Variants in ZNF136 observed in about 807,000 individuals in gnomAD.
ZNF136 encodes the protein zinc finger protein 136 (clone pHZ-20).
Under a neutral mutation model 11.4 loss-of-function variants are expected in ZNF136, and 8 were observed. That is an observed-to-expected ratio of 0.70 (90% CI 0.41 to 1.27). The LOEUF (loss-of-function observed/expected upper bound fraction) is 1.27. Among genes scored for constraint, ZNF136 ranks in the 50% most tolerant of loss-of-function variants. ZNF136 has a pLI of 0.01. For synonymous variants in ZNF136, 190 were observed against 207.1 expected (o/e 0.92, Z 0.71); for missense variants, 590 against 656.5 (o/e 0.90, Z 1.11).
At chr19:12,163,597 G>A (rs1187484971) in intron 1 of ZNF136, among the ~76,000 whole-genome samples, 1 of 152,160 alleles carries the variant, frequency 6.6e-6, no homozygotes, top group Non-Finnish European at 1.5e-5. Context: ...CTAAGTGTAT[G>A]GGATGCAGGG....
At chr19:12,170,084 A>G (rs10405710) in intron 1 of ZNF136, among the ~76,000 whole-genome samples, 1,269 of 126,884 alleles carry the variant, frequency 0.01, 9 homozygotes, top group African/African-American at 0.029. Context: ...GTGAGCCACC[A>G]CGCCCGGCCA....
chr19:12,170,993 G>A (rs1487843204), intron 1 of ZNF136, among the ~76,000 whole-genome samples: 1 of 151,998 alleles, frequency 6.6e-6, no homozygotes, highest in African/African-American at 2.4e-5. Flanking sequence ...GCACCACCAC[G>A]CCCGGCTAAT....
rs1243362810 is a variant in ZNF136, at chr19:12,188,921, A to G, written c.*920A>G. On this transcript the variant is annotated 3_prime_UTR_variant, in exon 4 of 4. Coordinates refer to ENST00000343979, the MANE Select transcript of ZNF136 (RefSeq NM_003437.5). ...AATACATAACCTGATGGAAATGTAG[A>G]AGCTATATGTATATTTTGTTAATTA... The G allele has an allele frequency of 1.3e-5, 2 of 152,220 alleles. No individual in the cohort carries two copies. The highest frequency in any genetic ancestry group is 4.8e-5 in the African/African-American group (2 of 41,442). 9.4% of individuals were successfully genotyped at this position (152,220 alleles called of 1,614,324 possible).
Position 12,187,849 on chromosome 19 carries a change from T to C in ZNF136, c.1471T>C (p.Phe491Leu), listed in dbSNP as rs896714626. 6.2e-7 allele frequency: 1 copy of C among 1,604,446 alleles called. No homozygotes were observed. Among genetic ancestry groups the C allele is most frequent in the African/African-American group, 1.3e-5 (1 of 74,342 alleles). Residue 491 changes from phenylalanine to leucine, a missense_variant, in exon 4 of 4, where the codon TTT (phenylalanine) becomes CTT (leucine). Physicochemically the swap from Phe to Leu is conservative, Grantham distance 22 (BLOSUM62 0). Coordinates refer to ENST00000343979, the MANE Select transcript of ZNF136 (RefSeq NM_003437.5). ...CGKAFRSSSSFRLHERTHTGQ... is the reference protein window; with the variant it reads ...CGKAFRSSSSLRLHERTHTGQ... ...TAAAGCCTTTAGATCTTCTAGTTCC[T>C]TTCGACTACATGAAAGGACTCACAC...
rs991987949 is a variant in ZNF136 at position 12,188,773 on chromosome 19, C to T, written c.*772C>T. Reference sequence around the variant, plus strand: ...AGGAGTTTGAGACCAGTGTGCAAAACATAGCAAGACCTCATCTCAGAAAAA... The same window carrying T: ...AGGAGTTTGAGACCAGTGTGCAAAATATAGCAAGACCTCATCTCAGAAAAA... On this transcript the variant is annotated 3_prime_UTR_variant, in exon 4 of 4. Transcript: ENST00000343979. The T allele has an allele frequency of 2.7e-5, 4 of 149,652 alleles. No homozygotes were observed. Among genetic ancestry groups the T allele is most frequent in the Non-Finnish European group, 4.4e-5 (3 of 67,662 alleles). 9.3% of individuals were successfully genotyped at this position (149,652 alleles called of 1,614,324 possible). A position where few individuals can be genotyped will look rare whatever the true frequency, so the allele number is the denominator to read the frequency against.
intron 1 of ZNF136, among the ~76,000 whole-genome samples, chr19:12,168,102 C>T (rs112921549): frequency 7.8e-5 from 8 of 102,588 alleles, no homozygotes; most frequent in African/African-American, 3.0e-4. Context: ...GACGGAGCTT[C>T]GCTCTCATTG....
At chr19:12,175,122 T>G (rs1213395622) in intron 1 of ZNF136, among the ~76,000 whole-genome samples, 2 of 152,014 alleles carry the variant, frequency 1.3e-5, no homozygotes, top group Admixed American at 1.3e-4. Context: ...TTCTATGGTC[T>G]GCCTTGCAGA....
chr19:12,185,237 G>A (rs1200044897), intron 1 of ZNF136: 1 of 152,228 alleles, frequency 6.6e-6, no homozygotes, highest in Non-Finnish European at 1.5e-5. Context: ...TGGTGGGAGT[G>A]TTTTATGCTA....
chr19:12,180,141 C>T (rs1202540324), intron 1 of ZNF136, among the ~76,000 whole-genome samples: 1 of 152,218 alleles, frequency 6.6e-6, no homozygotes, highest in Non-Finnish European at 1.5e-5. Flanking sequence ...GCTGGGATTA[C>T]AGGCGTGAGC....
At chr19:12,171,979 T>G (rs903491579) in intron 1 of ZNF136, among the ~76,000 whole-genome samples, 1 of 121,270 alleles carries the variant, frequency 8.2e-6, no homozygotes, top group Admixed American at 8.1e-5. Flanking sequence ...TCTCTCTCTC[T>G]TTTTTTTTTT....
Position 12,186,925 on chromosome 19 carries a change from A to G in ZNF136, c.547A>G (p.Ile183Val), listed in dbSNP as rs781483788. ...CGKTFFSLKRIRRHIITHSGY... is the reference protein window; with the variant it reads ...CGKTFFSLKRVRRHIITHSGY... ...AAAAACCTTCTTTTCTCTCAAAAGA[A>G]TTAGAAGACACATCATCACACACAG... is the stretch of plus-strand genomic sequence containing the variant. Residue 183 changes from isoleucine (I) to valine (V), a missense_variant, in exon 4 of 4, where the codon ATT (isoleucine) becomes GTT (valine). Physicochemically the swap from Ile to Val is conservative, Grantham distance 29. Transcript: ENST00000343979. The G allele has an allele frequency of 1.2e-6, 2 of 1,613,814 alleles. No homozygotes were observed. The highest frequency in any genetic ancestry group is 4.5e-5 in the East Asian group (2 of 44,878).
In ZNF136 at chr19:12,181,115, C is replaced by G. The variant is rs1321873237; in HGVS notation, c.4-4670C>G. ...ATTACCTTTCTTCTGGCTCCTGGCTCCACTGCCCTGGCTCTGTGCTCTGTG... is the reference window on the plus strand; with the variant it reads ...ATTACCTTTCTTCTGGCTCCTGGCTGCACTGCCCTGGCTCTGTGCTCTGTG... On this transcript the variant is annotated intron_variant, in intron 1 of 3. Coordinates refer to ENST00000343979, the MANE Select transcript of ZNF136 (RefSeq NM_003437.5). Among the ~76,000 whole-genome samples, 10 of 152,326 alleles carry G rather than the reference C, an allele frequency of 6.6e-5. No homozygotes were observed. The Middle Eastern group carries it at 0.01, about 155-fold the overall frequency.
chr19:12,179,384 T>C (rs907006970), intron 1 of ZNF136, among the ~76,000 whole-genome samples: 1 of 151,824 alleles, frequency 6.6e-6, no homozygotes, highest in Non-Finnish European at 1.5e-5. Context: ...AGTCTGGGCT[T>C]ACTGCAACCT....
intron 1 of ZNF136, among the ~76,000 whole-genome samples, chr19:12,167,242 A>T (rs1381561378): frequency 6.6e-6 from 1 of 152,226 alleles, no homozygotes; most frequent in Non-Finnish European, 1.5e-5. Context: ...TCTACATGAT[A>T]TGTGTAGGTT....
At chr19:12,183,432 A>G (rs1054677601) in intron 1 of ZNF136, among the ~76,000 whole-genome samples, 9 of 152,128 alleles carry the variant, frequency 5.9e-5, no homozygotes, top group African/African-American at 2.2e-4. Context: ...CACCACTCCC[A>G]GCTCCTTTTT....
At chr19:12,171,282 T>C (rs890383774) in intron 1 of ZNF136, among the ~76,000 whole-genome samples, 1 of 152,162 alleles carries the variant, frequency 6.6e-6, no homozygotes, top group Non-Finnish European at 1.5e-5. Flanking sequence ...CCTGGCTGCT[T>C]TGTAAGTTTT....
intron 1 of ZNF136, among the ~76,000 whole-genome samples, chr19:12,173,600 T>G (rs971230405): frequency 2.6e-5 from 4 of 152,230 alleles, no homozygotes; most frequent in Admixed American, 2.6e-4. Flanking sequence ...TCCACCTGGC[T>G]GTTTATTTGT....
Position 12,188,806 on chromosome 19 carries a change from A to T in ZNF136, c.*805A>T, listed in dbSNP as rs969525344. ...GACCTCATCTCAGAAAAAAAAAAAAAGTCATTTGAAAACTTCTAATACAGC... is the reference window on the plus strand; with the variant it reads ...GACCTCATCTCAGAAAAAAAAAAAATGTCATTTGAAAACTTCTAATACAGC... On this transcript the variant is annotated 3_prime_UTR_variant, in exon 4 of 4. Coordinates refer to ENST00000343979, the MANE Select transcript of ZNF136 (RefSeq NM_003437.5). 1 of 151,896 alleles carries T rather than the reference A, an allele frequency of 6.6e-6. No individual in the cohort carries two copies. The highest frequency in any genetic ancestry group is 6.6e-5 in the Admixed American group (1 of 15,252). The allele number at this position is 151,896 out of a possible 1,614,324, so 9.4% of individuals were successfully genotyped here.
chr19:12,169,413 A>G (rs1332890533), intron 1 of ZNF136: 1 of 152,158 alleles, frequency 6.6e-6, no homozygotes, highest in Non-Finnish European at 1.5e-5. Flanking sequence ...TCTGCGGATT[A>G]TATTTTCTAA....
Sources: gnomAD v4.1 joint callset for allele counts (sites outside exome capture counted in the v4.1 genomes callset) on GRCh38, gnomAD v4.1.1 for gene constraint, MANE v1.5 for transcripts, NCBI Gene and HGNC (gene_info 2026-07-23, HGNC 2026-07-21) for gene names.